Variants in PAFAH1B1 observed in about 807,000 individuals in gnomAD.
PAFAH1B1 encodes platelet activating factor acetylhydrolase 1b regulatory subunit 1, also known as platelet-activating factor acetylhydrolase IB subunit beta.
PAFAH1B1 carries 2 observed loss-of-function variants against 57.5 expected under a neutral mutation model. The ratio of observed to expected loss-of-function variants is 0.03; its 90% CI spans 0.01 to 0.11. PAFAH1B1 has a LOEUF of 0.11. PAFAH1B1 is among the 10% of genes least tolerant of loss of function. The pLI is 1.00. For missense variants in PAFAH1B1, 257 were observed against 512.0 expected (o/e 0.50, Z 4.81); for synonymous variants, 152 against 169.6 (o/e 0.90, Z 0.81).
upstream of PAFAH1B1, among the ~76,000 whole-genome samples, chr17:2,593,514 C>G (rs2068044925): frequency 6.6e-6 from 1 of 151,030 alleles, no homozygotes; most frequent in Admixed American, 6.6e-5. Context: ...GGCCCCGGCC[C>G]GGCCCAGCCC....
chr17:2,609,359 CT>C (rs1417443445), intron 1 of PAFAH1B1, among the ~76,000 whole-genome samples: 2 of 151,980 alleles, frequency 1.3e-5, no homozygotes, highest in Non-Finnish European at 2.9e-5. Context: ...GAACAAGTTG[CT>C]GGTCCTCCTT....
At chr17:2,644,667 C>G (rs571708393) in intron 2 of PAFAH1B1, among the ~76,000 whole-genome samples, 52 of 152,282 alleles carry the variant, frequency 3.4e-4, no homozygotes, top group African/African-American at 1.2e-3. Context: ...TTTTGTAACT[C>G]CAAATAATAC....
At chr17:2,651,730 G>GT (rs2068852709) in intron 2 of PAFAH1B1, among the ~76,000 whole-genome samples, 1 of 152,162 alleles carries the variant, frequency 6.6e-6, no homozygotes, top group African/African-American at 2.4e-5. Flanking sequence ...TGGGAATGGA[G>GT]TGAGTGACTT....
chr17:2,622,086 C>G (rs560569553), intron 1 of PAFAH1B1, among the ~76,000 whole-genome samples: 1 of 152,260 alleles, frequency 6.6e-6, no homozygotes, highest in East Asian at 1.9e-4. Context: ...CAGTTACCTC[C>G]CCCTGGGTCT....
rs373237918 is a variant in PAFAH1B1 at position 2,680,334 on chromosome 17, G to A, written c.1159+14G>A. 1.1e-5 allele frequency: 18 copies of A among 1,612,146 alleles called. No individual in the cohort carries two copies. In the East Asian group the frequency reaches 2.0e-4, roughly 18 times the overall value. On this transcript the variant is annotated intron_variant, in intron 10 of 10. Coordinates refer to ENST00000397195, the MANE Select transcript of PAFAH1B1 (RefSeq NM_000430.4). ...TTACCTCCTTGGGTATGTACGCCTC[G>A]CGAGGTCTCTGAACATTAGATTTTG... is the stretch of plus-strand genomic sequence containing the variant.
At chr17:2,634,771 AGTCATCACCCGCAG>A (rs2068600379) in intron 1 of PAFAH1B1, among the ~76,000 whole-genome samples, 1 of 152,070 alleles carries the variant, frequency 6.6e-6, no homozygotes, top group South Asian at 2.1e-4. Flanking sequence ...CTTCGTCCTG[AGTCATCACCCGCAG>A]GTGGCAATAC....
chr17:2,593,506 C>G (rs951400674), upstream of PAFAH1B1, among the ~76,000 whole-genome samples: 8 of 151,338 alleles, frequency 5.3e-5, no homozygotes, highest in African/African-American at 1.9e-4. Context: ...GGCAGCGCGG[C>G]CCCGGCCCGG....
chr17:2,637,911 ATTAAT>A (rs776776622), intron 1 of PAFAH1B1, among the ~76,000 whole-genome samples, 183 bp from the exon 2 acceptor site: 2 of 152,212 alleles, frequency 1.3e-5, no homozygotes, highest in African/African-American at 4.8e-5. Flanking sequence ...TCATTGAATT[ATTAAT>A]TTAAAAGACA....
intron 1 of PAFAH1B1, among the ~76,000 whole-genome samples, chr17:2,621,650 G>T (rs2068425488): frequency 9.1e-6 from 1 of 109,658 alleles, no homozygotes; most frequent in African/African-American, 3.9e-5. Flanking sequence ...TTTTGAGACA[G>T]GGTCACCCTC....
chr17:2,614,021 G>GGTTT (rs765716773), intron 1 of PAFAH1B1: 3 of 96,972 alleles, frequency 3.1e-5, no homozygotes, highest in African/African-American at 1.3e-4. Flanking sequence ...TATATATTGG[G>GGTTT]TTTTTTTTTT....
chr17:2,675,733 A>G (rs1485903028), intron 8 of PAFAH1B1, among the ~76,000 whole-genome samples: 2 of 151,920 alleles, frequency 1.3e-5, no homozygotes, highest in Non-Finnish European at 2.9e-5. Flanking sequence ...CCCAGCCACT[A>G]GGGAGACTGA....
chr17:2,593,904 CTCCCTCCCTCCT>C lies in PAFAH1B1; in HGVS notation c.-289_-278del, dbSNP rs1597502587. The C allele has an allele frequency of 2.8e-6, 1 of 357,742 alleles. No homozygotes were observed. The allele number at this position is 357,742 out of a possible 1,614,324, so 22.2% of individuals were successfully genotyped here. A position where few individuals can be genotyped will look rare whatever the true frequency, so the allele number is the denominator to read the frequency against. On this transcript the variant is annotated 5_prime_UTR_variant, in exon 1 of 11. Coordinates refer to ENST00000397195, the MANE Select transcript of PAFAH1B1 (RefSeq NM_000430.4). ...GCGCGCCATCCTCCCCCCTCCTTCC[CTCCCTCCCTCCT>C]TCCTCCCTCCCCTCTCCCTCCCCCT...
At chr17:2,620,070 T>C (rs2068399222) in intron 1 of PAFAH1B1, among the ~76,000 whole-genome samples, 1 of 152,188 alleles carries the variant, frequency 6.6e-6, no homozygotes, top group Non-Finnish European at 1.5e-5. Flanking sequence ...CCCCCACAAA[T>C]ATGCCCCAGC....
rs143423818 is a variant in PAFAH1B1 at position 2,616,504 on chromosome 17, A to G, written c.-190-21595A>G. On this transcript the variant is annotated intron_variant, in intron 1 of 10. Transcript: ENST00000397195. ...AAACGCAGTCTTTTGGCAGAATTCT[A>G]TCTTACTTGGGAAATCAGTCTTTTC... is the stretch of plus-strand genomic sequence containing the variant. Among the ~76,000 whole-genome samples, 19 of 152,296 alleles carry G rather than the reference A, an allele frequency of 1.2e-4. No homozygotes were observed. In the East Asian group the frequency reaches 2.3e-3, roughly 19 times the overall value.
intron 1 of PAFAH1B1, among the ~76,000 whole-genome samples, chr17:2,626,729 A>G (rs2068499102): frequency 1.3e-5 from 2 of 151,646 alleles, no homozygotes; most frequent in South Asian, 2.1e-4. Flanking sequence ...TAATTTTTGT[A>G]TTTTTAGTAG....
chr17:2,656,447 C>CTT (rs943789841), intron 2 of PAFAH1B1, among the ~76,000 whole-genome samples: 1 of 145,350 alleles, frequency 6.9e-6, no homozygotes, highest in Non-Finnish European at 1.5e-5. Context: ...AAGACCTCAT[C>CTT]TTTTTTTTTT....
intron 1 of PAFAH1B1, among the ~76,000 whole-genome samples, chr17:2,602,002 A>G (rs2151608933): frequency 6.6e-6 from 1 of 152,366 alleles, no homozygotes; most frequent in South Asian, 2.1e-4. Context: ...TATATGAATG[A>G]ACAGTGAAAA....
chr17:2,660,866 C>T (rs1278009770), intron 2 of PAFAH1B1, among the ~76,000 whole-genome samples: 1 of 152,160 alleles, frequency 6.6e-6, no homozygotes, highest in Non-Finnish European at 1.5e-5. Context: ...ATATTCCCAC[C>T]AATCGTGTAA....
chr17:2,669,044 T>C (rs1424079208), intron 5 of PAFAH1B1, among the ~76,000 whole-genome samples: 1 of 152,098 alleles, frequency 6.6e-6, no homozygotes, highest in East Asian at 1.9e-4. Flanking sequence ...GATGATAAGA[T>C]TTTGATAAAG....
Sources: gnomAD v4.1 joint callset for allele counts (sites outside exome capture counted in the v4.1 genomes callset) on GRCh38, gnomAD v4.1.1 for gene constraint, MANE v1.5 for transcripts, NCBI Gene and HGNC (gene_info 2026-07-23, HGNC 2026-07-21) for gene names.